The following SRMS variants were observed in gnomAD, a reference collection of about 807,000 sequenced individuals.
The protein encoded by SRMS is src-related kinase lacking C-terminal regulatory tyrosine and N-terminal myristylation sites, also known as tyrosine-protein kinase Srms.
SRMS carries 42 observed loss-of-function variants against 43.5 expected under a neutral mutation model. The ratio of observed to expected loss-of-function variants is 0.97; its 90% CI spans 0.75 to 1.25. The LOEUF is 1.25. Ranked by LOEUF, SRMS falls within the 50% of genes most tolerant of loss-of-function variation. The pLI is 0.00. For missense variants in SRMS, 703 were observed against 681.0 expected, an observed-to-expected ratio of 1.03 and a Z score of -0.36; for synonymous variants, 316 against 308.2, an observed-to-expected ratio of 1.03 and a Z score of -0.27.
rs770997524 is a variant in SRMS, at chr20:63,542,240, G to A, written c.869C>T (p.Ala290Val). ...CACAGGCTCCCCGCCCGAGCACACTGCGTGCAGCCGGATGAGCCGCTCGTG... is the reference window on the plus strand; with the variant it reads ...CACAGGCTCCCCGCCCGAGCACACTACGTGCAGCCGGATGAGCCGCTCGTG... ...LRHERLIRLH[A>V]VCSGGEPVYI... Residue 290 changes from alanine to valine, a missense_variant, in exon 5 of 8, where the codon GCA (alanine) becomes GTA (valine). By Grantham distance (64) the Ala-to-Val change is moderately conservative (BLOSUM62 0). Transcript: ENST00000217188. The A allele has an allele frequency of 8.1e-6, 13 of 1,612,744 alleles. No homozygotes were observed. The highest frequency in any genetic ancestry group is 1.1e-5 in the Non-Finnish European group (13 of 1,179,778).
intron 1 of SRMS, among the ~76,000 whole-genome samples, chr20:63,545,898 G>GGTCCGACTGAAGC: frequency 6.6e-6 from 1 of 152,178 alleles, no homozygotes; most frequent in Non-Finnish European, 1.5e-5. Flanking sequence ...CCAAAACATC[G>GGTCCGACTGAAGC]CCAGCCTCCT....
chr20:63,546,998 A>C, intron 1 of SRMS, 110 bp downstream of exon 1: 1 of 1,028,786 alleles, frequency 9.7e-7, no homozygotes, highest in South Asian at 1.7e-5. Context: ...TGAACGAATG[A>C]ATGAACAGAT....
rs1354347509 is a variant in SRMS, at chr20:63,542,246, A to C, written c.863T>G (p.Leu288Arg). The C allele has an allele frequency of 1.9e-6, 3 of 1,612,726 alleles. No homozygotes were observed. The South Asian group carries it at 3.3e-5, about 18-fold the overall frequency. ...CTCCCCGCCCGAGCACACTGCGTGC[A>C]GCCGGATGAGCCGCTCGTGCCGCAG... ...KGLRHERLIR[L>R]HAVCSGGEPV... The change falls in exon 5 of 8, where the codon CTG becomes CGG. Residue 288 changes from leucine to arginine, a missense_variant. Transcript: ENST00000217188.
At chr20:63,546,087 T>G (rs1434670388) in intron 1 of SRMS, among the ~76,000 whole-genome samples, 1 of 152,144 alleles carries the variant, frequency 6.6e-6, no homozygotes, top group East Asian at 1.9e-4. Flanking sequence ...GCTTTGCCTA[T>G]GGACCGCCCT....
chr20:63,540,784 G>A lies in SRMS; in HGVS notation c.*34C>T. Reference sequence around the variant, plus strand: ...CTCTGCAGGGAGGAGGGGCTGGCCTGGCTGGAGCCCAGAGCGTTGGGTCAC... The same window carrying A: ...CTCTGCAGGGAGGAGGGGCTGGCCTAGCTGGAGCCCAGAGCGTTGGGTCAC... On this transcript the variant is annotated 3_prime_UTR_variant, in exon 8 of 8. Transcript: ENST00000217188. 6.4e-7 allele frequency: 1 copy of A among 1,561,602 alleles called. No individual in the cohort carries two copies. The highest frequency in any genetic ancestry group is 1.4e-5 in the African/African-American group (1 of 73,494).
Position 63,540,191 on chromosome 20 carries a change from A to G in SRMS, c.*627T>C, listed in dbSNP as rs1352852507. ...GCTGTGTGCGTGAGTGGGTTTGTGC[A>G]CAGGCCGCCAGTGTGTCTGTGAGGG... is the stretch of plus-strand genomic sequence containing the variant. On this transcript the variant is annotated 3_prime_UTR_variant, in exon 8 of 8. Transcript: ENST00000217188. 6.6e-6 allele frequency among the ~76,000 whole-genome samples: 1 copy of G among 152,166 alleles called. No homozygotes were observed. The highest frequency in any genetic ancestry group is 1.9e-4 in the East Asian group (1 of 5,202).
Position 63,542,237 on chromosome 20 carries a change from A to G in SRMS, c.872T>C (p.Val291Ala), listed in dbSNP as rs984411738. 4.3e-6 allele frequency: 7 copies of G among 1,612,590 alleles called. No individual in the cohort carries two copies. Among genetic ancestry groups the G allele is most frequent in the African/African-American group, 1.3e-5 (1 of 74,940 alleles). Residue 291 changes from valine to alanine, a missense_variant, in exon 5 of 8, where the codon GTG becomes GCG. Transcript: ENST00000217188. ...GTACACAGGCTCCCCGCCCGAGCAC[A>G]CTGCGTGCAGCCGGATGAGCCGCTC... The part of the protein sequence containing the change: ...RHERLIRLHA[V>A]CSGGEPVYIV...
rs571490733 is a variant in SRMS, at chr20:63,538,554, G to A, written c.*2264C>T. Among the ~76,000 whole-genome samples, 1 of 152,340 alleles carries A rather than the reference G, an allele frequency of 6.6e-6. No homozygotes were observed. The highest frequency in any genetic ancestry group is 1.5e-5 in the Non-Finnish European group (1 of 68,028). ...TGGCACCTTCCACTCATTGTTTTGAGATTAAGAACAATAATCTGGATTATT... is the reference window on the plus strand; with the variant it reads ...TGGCACCTTCCACTCATTGTTTTGAAATTAAGAACAATAATCTGGATTATT... On this transcript the variant is annotated 3_prime_UTR_variant, in exon 8 of 8. Transcript: ENST00000217188.
rs746925713 is a variant in SRMS, at chr20:63,542,530, C to A, written c.697G>T (p.Gly233Trp). The A allele has an allele frequency of 6.2e-7, 1 of 1,612,508 alleles. No homozygotes were observed. The highest frequency in any genetic ancestry group is 8.5e-7 in the Non-Finnish European group (1 of 1,179,752). The change falls in exon 4 of 8, where the codon GGG becomes TGG. Residue 233 changes from glycine (G) to tryptophan (W), a missense_variant. Gly to Trp is a radical substitution (Grantham distance 184). Transcript: ENST00000217188. ...WERPHSEFAL[G>W]RKLGEGYFGE... is the part of the protein sequence containing the mutation. ...AAGTAGCCTTCACCCAGCTTCCTCCCAAGGGCGAATTCGGAGTGTGGCCGC... is the reference window on the plus strand; with the variant it reads ...AAGTAGCCTTCACCCAGCTTCCTCCAAAGGGCGAATTCGGAGTGTGGCCGC...
At position 63,547,634 on chromosome 20, in the gene SRMS, C is replaced by A. The variant is rs1003757918; in HGVS notation, c.-171G>T. On this transcript the variant is annotated 5_prime_UTR_variant, in exon 1 of 8. Coordinates refer to ENST00000217188, the MANE Select transcript of SRMS (RefSeq NM_080823.4). ...AGGTCCCCTGGATCCAGGAGGCACACGGTTCCCACCGGCGTCCGGGCTGGC... is the reference window on the plus strand; with the variant it reads ...AGGTCCCCTGGATCCAGGAGGCACAAGGTTCCCACCGGCGTCCGGGCTGGC... The A allele has an allele frequency of 5.0e-6, 3 of 596,116 alleles. No individual in the cohort carries two copies. Among genetic ancestry groups the A allele is most frequent in the Admixed American group, 3.8e-5 (1 of 26,118 alleles). The allele number at this position is 596,116 out of a possible 1,614,324, so 36.9% of individuals were successfully genotyped here.
At chr20:63,545,169 G>C (rs2082724713) in intron 1 of SRMS, among the ~76,000 whole-genome samples, 1 of 152,156 alleles carries the variant, frequency 6.6e-6, no homozygotes. Flanking sequence ...CCCCTGTCCA[G>C]GTGGGCCGCC....
At chr20:63,543,578 G>C (rs2082715982) in intron 2 of SRMS, 98 bp from the exon 3 acceptor site, 8 of 1,416,668 alleles carry the variant, frequency 5.6e-6, no homozygotes, top group Middle Eastern at 2.3e-4. Flanking sequence ...TAAGGGGTCT[G>C]GCTCAGACCT....
Position 63,540,795 on chromosome 20 carries a change from A to C in SRMS, c.*23T>G, listed in dbSNP as rs1008053226. On this transcript the variant is annotated 3_prime_UTR_variant, in exon 8 of 8. Transcript: ENST00000217188. ...GGAGGGGCTGGCCTGGCTGGAGCCC[A>C]GAGCGTTGGGTCACGTGAGGACTCA... 2 of 1,572,276 alleles carry C rather than the reference A, an allele frequency of 1.3e-6. No homozygotes were observed. Among genetic ancestry groups the C allele is most frequent in the Non-Finnish European group, 1.7e-6 (2 of 1,159,268 alleles).
intron 7 of SRMS, 23 bp downstream of exon 7, chr20:63,541,168 C>T (rs369255662): frequency 1.0e-5 from 16 of 1,547,018 alleles, no homozygotes; most frequent in African/African-American, 5.6e-5. Flanking sequence ...CTGCATCCTC[C>T]CTCTGGCTGC....
chr20:63,546,856 TC>T (rs773194636), intron 1 of SRMS, among the ~76,000 whole-genome samples: 6 of 151,532 alleles, frequency 4.0e-5, no homozygotes, highest in South Asian at 4.2e-4. Flanking sequence ...CAGCTGATGC[TC>T]CCCCCCACAG....
intron 5 of SRMS, among the ~76,000 whole-genome samples, chr20:63,541,929 C>T (rs1016533148): frequency 2.0e-5 from 3 of 152,186 alleles, no homozygotes; most frequent in African/African-American, 2.4e-5. Context: ...CCCCCCACCG[C>T]CCCCGAACAC....
In SRMS at chr20:63,540,834, TG is replaced by T; in HGVS notation, c.1450del (p.His484ThrfsTer87). The T allele has an allele frequency of 4.4e-6, 7 of 1,602,820 alleles. No homozygotes were observed. The highest frequency in any genetic ancestry group is 5.9e-6 in the Non-Finnish European group (7 of 1,177,230). ...CGTGAGGACTCAGGGGTGGCATCTG[TG>T]GATGGCGTGCAGCTTCTCCCGCAGC... is the stretch of plus-strand genomic sequence containing the variant. ...ATLREKLHAI[H>X]RCHP On this transcript the variant is annotated frameshift_variant, in exon 8 of 8. Coordinates refer to ENST00000217188, the MANE Select transcript of SRMS (RefSeq NM_080823.4). LOFTEE classifies it low-confidence loss of function (END_TRUNC).
rs547238846 is a variant in SRMS at position 63,539,211 on chromosome 20, C to T, written c.*1607G>A. 6.6e-6 allele frequency among the ~76,000 whole-genome samples: 1 copy of T among 152,334 alleles called. No individual in the cohort carries two copies. Among genetic ancestry groups the T allele is most frequent in the East Asian group, 1.9e-4 (1 of 5,184 alleles). ...GCTCAGATAAAGCCTCTTGCCTCCA[C>T]CATCTGCAGGGGTCCTGGTTCCTGC... On this transcript the variant is annotated 3_prime_UTR_variant, in exon 8 of 8. Transcript: ENST00000217188.
Position 63,541,556 on chromosome 20 carries a change from G to T in SRMS, c.1011C>A (p.Gly337=), listed in dbSNP as rs1268384758. Residue 337 remains glycine (G), a synonymous_variant, in exon 6 of 8, where the codon GGC becomes GGA. Transcript: ENST00000217188. ...CGCGCTGCTCCTCCAGGTAGCTCAT[G>T]CCCTCAGCCACCTGGCAGGCAAAGC... ...LLGFACQVAE[G]MSYLEEQRVV... 2 of 1,585,770 alleles carry T rather than the reference G, an allele frequency of 1.3e-6. No individual in the cohort carries two copies. The highest frequency in any genetic ancestry group is 1.8e-5 in the Admixed American group (1 of 55,842).
Sources: allele counts gnomAD v4.1 joint callset (sites outside exome capture counted in the v4.1 genomes callset), GRCh38; gene constraint gnomAD v4.1.1; transcripts MANE v1.5; gene names NCBI Gene and HGNC (gene_info 2026-07-23, HGNC 2026-07-21).